The following ATP13A1 variants were observed in gnomAD, a reference collection of about 807,000 sequenced individuals.
The protein encoded by ATP13A1 is endoplasmic reticulum transmembrane helix translocase.
A neutral mutation model predicts 134.8 loss-of-function variants in ATP13A1; 55 were observed. The ratio of observed to expected loss-of-function variants is 0.41; its 90% CI spans 0.33 to 0.51. The LOEUF is 0.51. Among genes scored for constraint, ATP13A1 ranks in the 20% least tolerant of loss-of-function variants. The pLI, the probability that ATP13A1 is intolerant of heterozygous loss-of-function variation, is 0.29. For synonymous variants in ATP13A1, 775 were observed against 725.1 expected (o/e 1.07, Z -1.10); for missense variants, 1,389 against 1,652.8 (o/e 0.84, Z 2.77).
intron 22 of ATP13A1, chr19:19,646,895 A>G (rs2061989611): frequency 1.8e-6 from 1 of 557,038 alleles, no homozygotes; most frequent in Non-Finnish European, 3.2e-6. Context: ...TGTGGGGCCC[A>G]CCCCTGGGAC....
In ATP13A1 at chr19:19,663,614, C is replaced by T; in HGVS notation, c.53G>A (p.Cys18Tyr). Residue 18 changes from cysteine to tyrosine, a missense_variant, in exon 1 of 26, where the codon TGC becomes TAC. Coordinates refer to ENST00000357324, the MANE Select transcript of ATP13A1 (RefSeq NM_020410.3). ...GNAVPCGARPCGVRPDGQPKP... is the reference protein window; with the variant it reads ...GNAVPCGARPYGVRPDGQPKP... ...GGGCTGCCCGTCAGGCCGGACCCCG[C>T]AAGGCCGGGCCCCGCAGGGCACCGC... The T allele has an allele frequency of 5.8e-6, 8 of 1,385,614 alleles. No homozygotes were observed. Among genetic ancestry groups the T allele is most frequent in the Non-Finnish European group, 6.5e-6 (7 of 1,078,276 alleles). 85.8% of individuals were successfully genotyped at this position (1,385,614 alleles called of 1,614,324 possible).
chr19:19,651,031 T>G (rs2062020306), intron 17 of ATP13A1: 2 of 152,266 alleles, frequency 1.3e-5, no homozygotes, highest in Non-Finnish European at 2.9e-5. Flanking sequence ...GGAATCAGGC[T>G]GTCTGGATTC....
At chr19:19,650,321 C>T (rs762687767) in intron 17 of ATP13A1, 64 of 228,524 alleles carry the variant, frequency 2.8e-4, no homozygotes, top group Admixed American at 4.1e-4. Context: ...TTTATCCCTG[C>T]GCCCGTGGCC....
chr19:19,659,818 G>C (rs2062082882), intron 2 of ATP13A1, 27 bp from the exon 3 acceptor site: 1 of 1,609,472 alleles, frequency 6.2e-7, no homozygotes, highest in East Asian at 2.2e-5. Flanking sequence ...GTTTGCCACA[G>C]AGGCCCCTGA....
chr19:19,655,853 G>A lies in ATP13A1; in HGVS notation c.1269+25C>T, dbSNP rs931509848. 1.7e-5 allele frequency: 27 copies of A among 1,565,078 alleles called. No individual in the cohort carries two copies. Among genetic ancestry groups the A allele is most frequent in the East Asian group, 1.2e-4 (5 of 42,782 alleles). On this transcript the variant is annotated intron_variant, in intron 9 of 25. Coordinates refer to ENST00000357324, the MANE Select transcript of ATP13A1 (RefSeq NM_020410.3). The surrounding 1 kb of genome is among the most constrained non-coding windows in gnomAD (Gnocchi z 5.7). ...TGGCTGTCCAACTGCCCTGGGGCCC[G>A]CCCTCCCCAGACCTGGCCCCGCACC...
intron 16 of ATP13A1, among the ~76,000 whole-genome samples, chr19:19,652,376 G>A (rs553654718): frequency 6.6e-6 from 1 of 152,200 alleles, no homozygotes; most frequent in Non-Finnish European, 1.5e-5. Context: ...ATGATGCGGG[G>A]AGTGAAGGGA....
At chr19:19,658,806 G>C (rs1314555136) in intron 3 of ATP13A1, among the ~76,000 whole-genome samples, 7 of 152,206 alleles carry the variant, frequency 4.6e-5, no homozygotes, top group Admixed American at 6.5e-5. Context: ...GAAACAGTGA[G>C]GACTGAAATG....
Position 19,653,621 on chromosome 19 carries a change from AGACT to A in ATP13A1, c.2100+159_2100+162del. ...TGGGTGGGTCCCCACAGCAGTGGAC[AGACT>A]GAGTGCCATTTGGAGTCTCCAAAGG... On this transcript the variant is annotated intron_variant, in intron 15 of 25. Coordinates refer to ENST00000357324, the MANE Select transcript of ATP13A1 (RefSeq NM_020410.3). This position sits in a 1 kb window ranked among gnomAD's most constrained non-coding sequence, Gnocchi z 4.2. 1 of 686,968 alleles carries A rather than the reference AGACT, an allele frequency of 1.5e-6. No homozygotes were observed. Among genetic ancestry groups the A allele is most frequent in the Non-Finnish European group, 2.4e-6 (1 of 412,908 alleles). 42.6% of individuals were successfully genotyped at this position (686,968 alleles called of 1,614,324 possible). A position where few individuals can be genotyped will look rare whatever the true frequency, so the allele number is the denominator to read the frequency against.
At chr19:19,659,413 G>A (rs1306869421) in intron 3 of ATP13A1, among the ~76,000 whole-genome samples, 188 bp downstream of exon 3, 4 of 151,954 alleles carry the variant, frequency 2.6e-5, no homozygotes, top group Admixed American at 6.6e-5. Flanking sequence ...CTGAGATCGC[G>A]TCACTGCACT....
chr19:19,645,497 G>A lies in ATP13A1; in HGVS notation c.3540C>T (p.Asp1180=). 1 of 1,607,442 alleles carries A rather than the reference G, an allele frequency of 6.2e-7. No individual in the cohort carries two copies. The highest frequency in any genetic ancestry group is 1.1e-5 in the South Asian group (1 of 89,876). The change falls in exon 26 of 26, where the codon GAC becomes GAT. Residue 1180 remains aspartate, a synonymous_variant. Transcript: ENST00000357324. The surrounding 1 kb of genome is among the most constrained non-coding windows in gnomAD (Gnocchi z 4.1). ...KLVIAQVLLL[D]FCLALLADRV... The stretch of plus-strand genomic sequence containing the variant: ...GGTCGGCCAGGAGCGCCAGGCAGAA[G>A]TCCAGGAGCAGGACCTGGGCAATGA...
intron 16 of ATP13A1, among the ~76,000 whole-genome samples, chr19:19,652,279 C>T (rs979375472): frequency 6.6e-6 from 1 of 152,074 alleles, no homozygotes; most frequent in African/African-American, 2.4e-5. Context: ...GCAGACAGTG[C>T]CCCCCACCCA....
Position 19,659,806 on chromosome 19 carries a change from G to C in ATP13A1, c.487-15C>G. ...CCGTCTTCGCCCTGCGGTAGAAGGT[G>C]TGTTTGCCACAGAGGCCCCTGACCT... On this transcript the variant is annotated splice_polypyrimidine_tract_variant and intron_variant, in intron 2 of 25. Transcript: ENST00000357324. 6.2e-7 allele frequency: 1 copy of C among 1,611,792 alleles called. No individual in the cohort carries two copies. Among genetic ancestry groups the C allele is most frequent in the Non-Finnish European group, 8.5e-7 (1 of 1,178,532 alleles).
In ATP13A1 at chr19:19,650,007, A is replaced by G. The variant is rs2144996138; in HGVS notation, c.2336-67T>C. 10 of 1,408,880 alleles carry G rather than the reference A, an allele frequency of 7.1e-6. No individual in the cohort carries two copies. In the South Asian group the frequency reaches 1.3e-4, roughly 18 times the overall value. 87.3% of individuals were successfully genotyped at this position (1,408,880 alleles called of 1,614,324 possible). On this transcript the variant is annotated intron_variant, in intron 17 of 25. Transcript: ENST00000357324. ...CCGGGCTCAGAAGCACCCTCCCTCC[A>G]CTCGGACCCCAGCACCAGCCAGTCT...
rs770246586 is a variant in ATP13A1, at chr19:19,649,778, T to C, written c.2498A>G (p.His833Arg). The C allele has an allele frequency of 1.1e-5, 17 of 1,601,472 alleles. No individual in the cohort carries two copies. Among genetic ancestry groups the C allele is most frequent in the Non-Finnish European group, 1.4e-5 (16 of 1,175,056 alleles). ...AGCCACACGGGCGAACACCTGCACA[T>C]GGGGGATGAGGCGGAGCAGCTGCTG... ...DPQQLLRLIPHVQVFARVAPK... is the reference protein window; with the variant it reads ...DPQQLLRLIPRVQVFARVAPK... Residue 833 changes from histidine to arginine, a missense_variant, in exon 18 of 26, where the codon CAT (histidine) becomes CGT (arginine). Physicochemically the swap from His to Arg is conservative, Grantham distance 29. Transcript: ENST00000357324.
rs143924732 is a variant in ATP13A1 at position 19,647,632 on chromosome 19, G to A, written c.2760C>T (p.Leu920=). Residue 920 remains leucine (L), a synonymous_variant, in exon 20 of 26, where the codon CTC becomes CTT. Coordinates refer to ENST00000357324, the MANE Select transcript of ATP13A1 (RefSeq NM_020410.3). The surrounding 1 kb of genome is among the most constrained non-coding windows in gnomAD (Gnocchi z 4.8). The part of the protein sequence containing the change: ...TSRTAKQRSG[L]PPSEEQPTSQ... ...AGGTTGGCTGCTCCTCGGAGGGAGG[G>A]AGCCCCGACCGCTGCTTGGCTGTCC... The A allele has an allele frequency of 3.8e-5, 62 of 1,613,250 alleles. No homozygotes were observed. The highest frequency in any genetic ancestry group is 5.3e-5 in the African/African-American group (4 of 74,910).
chr19:19,661,564 G>A (rs6511047), intron 1 of ATP13A1, among the ~76,000 whole-genome samples: 147,865 of 152,314 alleles, frequency 0.97, 71,807 homozygotes, highest in East Asian at 1. Context: ...ATCTCTGTTT[G>A]GCATCAACTG....
At chr19:19,657,223 G>A in intron 4 of ATP13A1, 74 bp from the exon 5 acceptor site, 3 of 1,486,050 alleles carry the variant, frequency 2.0e-6, no homozygotes, top group Non-Finnish European at 2.7e-6. Context: ...CACCGGATCT[G>A]ATATGTGAGG....
intron 1 of ATP13A1, among the ~76,000 whole-genome samples, chr19:19,660,854 G>A (rs2062090073): frequency 6.6e-6 from 1 of 151,468 alleles, no homozygotes; most frequent in African/African-American, 2.4e-5. Context: ...CTGAGGCAGG[G>A]GGGATCACGA....
chr19:19,653,736 C>T lies in ATP13A1; in HGVS notation c.2100+48G>A. On this transcript the variant is annotated intron_variant, in intron 15 of 25. Transcript: ENST00000357324. The surrounding 1 kb of genome is among the most constrained non-coding windows in gnomAD (Gnocchi z 4.2). ...ACACAGGAGGTGACTCAGGGAGGAG[C>T]TGACGGGCCAGGCACATGGTGAAGG... is the stretch of plus-strand genomic sequence containing the variant. The T allele has an allele frequency of 4.1e-6, 6 of 1,473,438 alleles. No homozygotes were observed. The highest frequency in any genetic ancestry group is 5.5e-6 in the Non-Finnish European group (6 of 1,081,294). 91.3% of individuals were successfully genotyped at this position (1,473,438 alleles called of 1,614,324 possible). A position where few individuals can be genotyped will look rare whatever the true frequency, so the allele number is the denominator to read the frequency against.
Sources: gnomAD v4.1 joint callset for allele counts (sites outside exome capture counted in the v4.1 genomes callset) on GRCh38, gnomAD v4.1.1 for gene constraint, Gnocchi (gnomAD v3.1) non-coding constraint, MANE v1.5 for transcripts, NCBI Gene and HGNC (gene_info 2026-07-23, HGNC 2026-07-21) for gene names.